Variants in APBB2 observed in about 807,000 individuals in gnomAD.
APBB2 encodes Fe65-like 1.
In APBB2, 38 loss-of-function variants were observed where a neutral mutation model predicts 82.5. That is an observed-to-expected ratio of 0.46 (90% CI 0.36 to 0.60). The LOEUF (loss-of-function observed/expected upper bound fraction) is 0.60. Ranked by LOEUF, APBB2 falls within the 20% of genes least tolerant of loss-of-function variation. The pLI is 0.00. For missense variants in APBB2, 772 were observed against 972.3 expected (o/e 0.79, Z 2.74); for synonymous variants, 341 against 368.2 (o/e 0.93, Z 0.85).
At chr4:40,936,287 T>A (rs1785354584) in intron 7 of APBB2, among the ~76,000 whole-genome samples, 1 of 152,238 alleles carries the variant, frequency 6.6e-6, no homozygotes, top group Non-Finnish European at 1.5e-5. Flanking sequence ...GGTCTCACTC[T>A]GTCACCCAGG....
At chr4:40,964,724 A>C (rs1479644767) in intron 6 of APBB2, among the ~76,000 whole-genome samples, 1 of 112,940 alleles carries the variant, frequency 8.9e-6, no homozygotes, top group Non-Finnish European at 2.0e-5. Context: ...TCCAAAACAC[A>C]GTACACGGGG....
intron 12 of APBB2, among the ~76,000 whole-genome samples, chr4:40,835,109 T>C (rs535311412): frequency 1.3e-5 from 2 of 152,036 alleles, no homozygotes; most frequent in Admixed American, 6.6e-5. Flanking sequence ...ACCCCGTCTC[T>C]ACTAAAAATA....
At chr4:40,843,633 T>C (rs1040948577) in intron 12 of APBB2, among the ~76,000 whole-genome samples, 2 of 152,218 alleles carry the variant, frequency 1.3e-5, no homozygotes, top group Non-Finnish European at 2.9e-5. Context: ...TGATAAAATA[T>C]GCAAATATCT....
chr4:41,167,780 C>T (rs1280201550), intron 1 of APBB2, among the ~76,000 whole-genome samples: 5 of 152,008 alleles, frequency 3.3e-5, no homozygotes, highest in Non-Finnish European at 5.9e-5. Flanking sequence ...AGCTTAGGAA[C>T]AATACTGAGG....
At chr4:41,158,194 T>C (rs2154032137) in intron 1 of APBB2, among the ~76,000 whole-genome samples, 1 of 152,290 alleles carries the variant, frequency 6.6e-6, no homozygotes, top group Middle Eastern at 3.4e-3. Context: ...ATAGGCATAA[T>C]GATACCAACT....
At chr4:40,884,625 TA>T (rs1275454575) in intron 12 of APBB2, among the ~76,000 whole-genome samples, 1 of 151,104 alleles carries the variant, frequency 6.6e-6, no homozygotes, top group Non-Finnish European at 1.5e-5. Flanking sequence ...AAAATAAAAA[TA>T]AAAAAAACAC....
intron 2 of APBB2, among the ~76,000 whole-genome samples, chr4:41,119,445 C>G (rs1231499178): frequency 6.6e-6 from 1 of 150,466 alleles, no homozygotes; most frequent in Non-Finnish European, 1.5e-5. Flanking sequence ...AATTAACATA[C>G]CCAGGAAGGA....
chr4:40,833,401 C>G (rs761146913), intron 12 of APBB2, among the ~76,000 whole-genome samples: 2 of 152,230 alleles, frequency 1.3e-5, no homozygotes, highest in Admixed American at 1.3e-4. Flanking sequence ...TCTTCCCTCA[C>G]GTGGTGGCCA....
intron 5 of APBB2, among the ~76,000 whole-genome samples, chr4:41,031,191 C>T (rs1716620660): frequency 1.3e-5 from 2 of 152,200 alleles, no homozygotes; most frequent in East Asian, 1.9e-4. Flanking sequence ...TGCCACTGCA[C>T]TCCAGCCTGG....
chr4:40,853,265 T>C (rs1336366007), intron 12 of APBB2, among the ~76,000 whole-genome samples: 1 of 152,112 alleles, frequency 6.6e-6, no homozygotes, highest in East Asian at 1.9e-4. Context: ...CCTGAGATCT[T>C]TCTGTATGAA....
intron 3 of APBB2, among the ~76,000 whole-genome samples, chr4:41,078,246 T>G (rs1324436859): frequency 1.3e-5 from 2 of 152,134 alleles, no homozygotes; most frequent in East Asian, 3.9e-4. Flanking sequence ...AACATATTAA[T>G]TTGCTACAAG....
At position 40,810,834 on chromosome 4, in the gene APBB2, T is replaced by C. The variant is rs1369329748; in HGVS notation, c.*5258A>G. 6.6e-6 allele frequency: 1 copy of C among 152,210 alleles called. No homozygotes were observed. The highest frequency in any genetic ancestry group is 6.5e-5 in the Admixed American group (1 of 15,276). The allele number at this position is 152,210 out of a possible 1,614,324, so 9.4% of individuals were successfully genotyped here. A position where few individuals can be genotyped will look rare whatever the true frequency, so the allele number is the denominator to read the frequency against. Reference sequence around the variant, plus strand: ...CTATCTGGTTGGTTAGGGTAGTCCATGCCTCAAGGAAGGCGGTGCAGCTTA... The same window carrying C: ...CTATCTGGTTGGTTAGGGTAGTCCACGCCTCAAGGAAGGCGGTGCAGCTTA... On this transcript the variant is annotated 3_prime_UTR_variant, in exon 18 of 18. Transcript: ENST00000508593.
intron 2 of APBB2, among the ~76,000 whole-genome samples, chr4:41,123,486 T>C (rs1162831453): frequency 6.6e-6 from 1 of 152,128 alleles, no homozygotes; most frequent in Non-Finnish European, 1.5e-5. Flanking sequence ...TATTCCACCC[T>C]GCATGTCAAA....
intron 6 of APBB2, among the ~76,000 whole-genome samples, chr4:40,964,796 T>C (rs947465250): frequency 2.6e-5 from 1 of 39,048 alleles, no homozygotes; most frequent in African/African-American, 6.1e-5. Flanking sequence ...ATTGCAAGTA[T>C]AGTTTTGAAC....
intron 3 of APBB2, among the ~76,000 whole-genome samples, chr4:41,099,815 T>C (rs1027663870): frequency 1.3e-5 from 2 of 152,208 alleles, no homozygotes; most frequent in Non-Finnish European, 2.9e-5. Flanking sequence ...GAACAATTCC[T>C]ATTGTCGATA....
intron 1 of APBB2, among the ~76,000 whole-genome samples, chr4:41,155,300 A>T (rs746989774): frequency 6.6e-6 from 1 of 152,144 alleles, no homozygotes; most frequent in African/African-American, 2.4e-5. Context: ...GGGGAAAATG[A>T]GATTATCTTT....
At chr4:41,043,021 ATT>A (rs1368026424) in intron 4 of APBB2, among the ~76,000 whole-genome samples, 1 of 152,098 alleles carries the variant, frequency 6.6e-6, no homozygotes, top group South Asian at 2.1e-4. Context: ...GGGGGAATCT[ATT>A]TTTTATTTTT....
intron 12 of APBB2, among the ~76,000 whole-genome samples, chr4:40,845,059 T>A (rs1230739924): frequency 2.0e-5 from 3 of 152,254 alleles, no homozygotes; most frequent in Non-Finnish European, 4.4e-5. Context: ...CTACTGTGTT[T>A]TTCCCTGAAA....
intron 1 of APBB2, among the ~76,000 whole-genome samples, chr4:41,192,388 T>G (rs1774702274): frequency 6.6e-6 from 1 of 152,194 alleles, no homozygotes; most frequent in Admixed American, 6.5e-5. Flanking sequence ...GGAAACAACC[T>G]AAGTGTCCAT....
Sources: gnomAD v4.1 joint callset for allele counts (sites outside exome capture counted in the v4.1 genomes callset) on GRCh38, gnomAD v4.1.1 for gene constraint, MANE v1.5 for transcripts, NCBI Gene and HGNC (gene_info 2026-07-23, HGNC 2026-07-21) for gene names.